Variants in RYR3 observed in about 807,000 individuals in gnomAD.
RYR3 encodes the protein brain ryanodine receptor-calcium release channel.
A neutral mutation model predicts 584.3 loss-of-function variants in RYR3; 207 were observed. The ratio of observed to expected loss-of-function variants is 0.35; its 90% CI spans 0.32 to 0.40. The LOEUF (loss-of-function observed/expected upper bound fraction) is 0.40. Ranked by LOEUF, RYR3 falls within the 10% of genes least tolerant of loss-of-function variation. The pLI, the probability that RYR3 is intolerant of heterozygous loss-of-function variation, is 1.00. For synonymous variants in RYR3, 2,416 were observed against 2,248.5 expected (o/e 1.07, Z -2.11); for missense variants, 5,616 against 6,089.2 (o/e 0.92, Z 2.59).
intron 47 of RYR3, 148 bp downstream of exon 47, chr15:33,729,174 G>GT: frequency 1.4e-6 from 1 of 727,178 alleles, no homozygotes; most frequent in African/African-American, 1.8e-5. Context: ...ATCATGAAAT[G>GT]GAAGATCTTA....
At chr15:33,653,149 TG>T (rs1436175587) in intron 32 of RYR3, among the ~76,000 whole-genome samples, 5 of 152,390 alleles carry the variant, frequency 3.3e-5, no homozygotes, top group Admixed American at 1.3e-4. Flanking sequence ...TCCTTGGTGT[TG>T]AGCTGTAAAT....
chr15:33,605,176 A>C (rs1178855969), intron 18 of RYR3, among the ~76,000 whole-genome samples: 1 of 152,208 alleles, frequency 6.6e-6, no homozygotes. Context: ...ACAGCACTGC[A>C]TGGGGCACTT....
intron 1 of RYR3, among the ~76,000 whole-genome samples, chr15:33,396,767 G>C (rs984464265): frequency 1.4e-4 from 22 of 152,196 alleles, no homozygotes; most frequent in Admixed American, 1.4e-3. Context: ...GTTACCGTCA[G>C]TGAGATAACA....
At chr15:33,630,070 TACAA>T (rs2061190015) in intron 22 of RYR3, 27 bp downstream of exon 22, 1 of 1,299,080 alleles carries the variant, frequency 7.7e-7, no homozygotes, top group Admixed American at 2.0e-5. Context: ...GCTGAAGTTT[TACAA>T]ACAATGAATA....
rs200406164 is a variant in RYR3 at position 33,533,815 on chromosome 15, TG to T, written c.433+427del. Reference sequence around the variant, plus strand: ...AATGAACAAGCTATGTCTAAAGTAGTGTTTTCCAAATGTTATTGACATCTAT... The same window carrying T: ...AATGAACAAGCTATGTCTAAAGTAGTTTTTCCAAATGTTATTGACATCTAT... On this transcript the variant is annotated intron_variant, in intron 5 of 103. Coordinates refer to ENST00000634891, the MANE Select transcript of RYR3 (RefSeq NM_001036.6). Among the ~76,000 whole-genome samples the T allele has an allele frequency of 7.7e-3, 1,180 of 152,358 alleles. 11 individuals are homozygous for T. Among genetic ancestry groups the T allele is most frequent in the Middle Eastern group, 0.014 (4 of 294 alleles).
In RYR3 at chr15:33,826,755, G is replaced by A. The variant is rs2077396398; in HGVS notation, c.11245+3G>A. On this transcript the variant is annotated splice_donor_region_variant and intron_variant, in intron 84 of 103. Coordinates refer to ENST00000634891, the MANE Select transcript of RYR3 (RefSeq NM_001036.6). ...ACTTTGTGAGGGACATAACAGTGGT[G>A]AGTGGAACAGATTGATCTGCCAAGG... 1 of 1,601,500 alleles carries A rather than the reference G, an allele frequency of 6.2e-7. No homozygotes were observed. The highest frequency in any genetic ancestry group is 1.4e-5 in the African/African-American group (1 of 73,350).
chr15:33,430,176 C>G (rs2045010899), intron 1 of RYR3, among the ~76,000 whole-genome samples: 1 of 152,246 alleles, frequency 6.6e-6, no homozygotes, highest in African/African-American at 2.4e-5. Context: ...AAGCCAAACA[C>G]TTATATCAGG....
chr15:33,547,980 T>G, intron 8 of RYR3, 150 bp from the exon 9 acceptor site: 1 of 636,360 alleles, frequency 1.6e-6, no homozygotes, highest in Non-Finnish European at 2.8e-6. Flanking sequence ...TGGGAAACTG[T>G]CTTCCCTCTT....
At position 33,696,316 on chromosome 15, in the gene RYR3, C is replaced by A. The variant is rs187374038; in HGVS notation, c.5959C>A (p.Arg1987=). ...GGTCCGAATGATGTTCAACCTCCTC[C>A]GGAGGCAGTATGACAGCATTGGGGA... The part of the protein sequence containing the change: ...ELVRMMFNLL[R]RQYDSIGELL... The change falls in exon 39 of 104, where the codon CGG becomes AGG. Residue 1987 remains arginine, a synonymous_variant. Transcript: ENST00000634891. The A allele has an allele frequency of 9.2e-5, 148 of 1,613,794 alleles. 1 individual carries two copies. In the Admixed American group the frequency reaches 2.4e-3, roughly 27 times the overall value.
intron 1 of RYR3, among the ~76,000 whole-genome samples, chr15:33,446,555 G>A (rs767816566): frequency 6.6e-6 from 1 of 152,166 alleles, no homozygotes; most frequent in African/African-American, 2.4e-5. Flanking sequence ...TCTTCACATG[G>A]TCGGCCCTCT....
At chr15:33,800,649 A>G in intron 67 of RYR3, 121 bp from the exon 68 acceptor site, 3 of 666,526 alleles carry the variant, frequency 4.5e-6, no homozygotes, top group Non-Finnish European at 8.1e-6. Flanking sequence ...TATTGCTTTC[A>G]TATGAGAATG....
chr15:33,782,324 A>G (rs1181026076), intron 65 of RYR3, among the ~76,000 whole-genome samples: 3 of 152,218 alleles, frequency 2.0e-5, no homozygotes, highest in Non-Finnish European at 4.4e-5. Context: ...TTCATTCTAT[A>G]TACCTTTGCA....
chr15:33,800,685 C>A (rs2075869610), intron 67 of RYR3, 85 bp from the exon 68 acceptor site: 1 of 917,708 alleles, frequency 1.1e-6, no homozygotes. Context: ...AAATGTATGT[C>A]TCCAGTGCTG....
chr15:33,855,010 C>G (rs1411948463), intron 98 of RYR3, 98 bp downstream of exon 98: 3 of 1,229,020 alleles, frequency 2.4e-6, no homozygotes, highest in African/African-American at 3.1e-5. Flanking sequence ...AGGAATATGT[C>G]TTGGTATATA....
chr15:33,772,087 T>A lies in RYR3; in HGVS notation c.8984T>A (p.Val2995Glu), dbSNP rs192484612. The stretch of plus-strand genomic sequence containing the variant: ...TCTCAGAATATTAACTACACTACAG[T>A]GGCTCTGCTCCCCATCCTGACGTCC... Reference protein sequence around the residue: ...GVSQNINYTTVALLPILTSIF... With the variant: ...GVSQNINYTTEALLPILTSIF... The change falls in exon 63 of 104, where the codon GTG (valine) becomes GAG (glutamate). Residue 2995 changes from valine (V) to glutamate (E), a missense_variant. By Grantham distance (121) the Val-to-Glu change is moderately radical (BLOSUM62 -2). Transcript: ENST00000634891. 1.0e-4 allele frequency: 165 copies of A among 1,613,828 alleles called. 2 individuals carry two copies. In the East Asian group the frequency reaches 2.9e-3, roughly 28 times the overall value.
intron 1 of RYR3, among the ~76,000 whole-genome samples, chr15:33,434,659 T>A (rs1357075254): frequency 6.6e-6 from 1 of 152,202 alleles, no homozygotes; most frequent in African/African-American, 2.4e-5. Flanking sequence ...TCAGCTAAAG[T>A]AACAGGGTAT....
At chr15:33,671,960 T>C (rs974492626) in intron 38 of RYR3, among the ~76,000 whole-genome samples, 3 of 151,928 alleles carry the variant, frequency 2.0e-5, no homozygotes, top group African/African-American at 7.3e-5. Context: ...ATTACAGGCA[T>C]GCGCCACCAT....
chr15:33,535,165 A>G (rs1225076644), intron 5 of RYR3, among the ~76,000 whole-genome samples: 2 of 152,256 alleles, frequency 1.3e-5, no homozygotes, highest in African/African-American at 2.4e-5. Context: ...TTGGGTAGCC[A>G]AAGAAAGACA....
chr15:33,821,631 GC>G (rs1567243882), intron 80 of RYR3, 29 bp downstream of exon 80: 24 of 1,606,214 alleles, frequency 1.5e-5, no homozygotes, highest in Non-Finnish European at 2.0e-5. Context: ...GGCTGGGCAG[GC>G]TCCCGGGGTA....
Sources: gnomAD v4.1 joint callset for allele counts (sites outside exome capture counted in the v4.1 genomes callset) on GRCh38, gnomAD v4.1.1 for gene constraint, MANE v1.5 for transcripts, NCBI Gene and HGNC (gene_info 2026-07-23, HGNC 2026-07-21) for gene names.